The following TMC1 variants were observed in gnomAD, a reference collection of about 807,000 sequenced individuals.
TMC1 encodes transmembrane channel-like protein 1.
Under a neutral mutation model 105.8 loss-of-function variants are expected in TMC1, and 84 were observed. The observed-to-expected ratio is 0.79, with a 90% confidence interval of 0.67 to 0.95. The LOEUF (loss-of-function observed/expected upper bound fraction) is 0.95, where lower values mean the gene tolerates loss of function less well. Among genes scored for constraint, TMC1 ranks in the 40% least tolerant of loss-of-function variants. The pLI is 0.00. For synonymous variants in TMC1, 315 were observed against 311.5 expected (o/e 1.01, Z -0.12); for missense variants, 817 against 914.1 (o/e 0.89, Z 1.37).
intron 17 of TMC1, among the ~76,000 whole-genome samples, chr9:72,803,993 C>T (rs559508651): frequency 6.6e-6 from 1 of 152,250 alleles, no homozygotes; most frequent in African/African-American, 2.4e-5. Context: ...AAATGCCTAT[C>T]AATGATAGAC....
intron 13 of TMC1, among the ~76,000 whole-genome samples, chr9:72,785,807 T>G (rs1473586543): frequency 6.6e-6 from 1 of 152,240 alleles, no homozygotes. Flanking sequence ...ATTTTCCATT[T>G]AATATTTTTG....
intron 4 of TMC1, among the ~76,000 whole-genome samples, chr9:72,634,839 A>G (rs1010843559): frequency 1.3e-5 from 2 of 152,220 alleles, no homozygotes; most frequent in Non-Finnish European, 2.9e-5. Context: ...ACAACTCAGG[A>G]AGAGCCAGAT....
At chr9:72,601,169 TACACACACACACACACACACACACAG>T (rs770279700) in intron 2 of TMC1, among the ~76,000 whole-genome samples, 4,583 of 148,370 alleles carry the variant, frequency 0.031, 91 homozygotes, top group Middle Eastern at 0.082. Context: ...ACACTGTTTC[TACACACACACACACACACACACACAG>T]ACACACACAC....
chr9:72,826,556 C>G (rs1054741659), intron 20 of TMC1, among the ~76,000 whole-genome samples: 18 of 152,190 alleles, frequency 1.2e-4, no homozygotes, highest in Non-Finnish European at 1.6e-4. Flanking sequence ...GAGAGGCAGA[C>G]TTATGAGCTA....
chr9:72,827,501 T>C (rs1828975254), intron 21 of TMC1, among the ~76,000 whole-genome samples: 2 of 152,230 alleles, frequency 1.3e-5, no homozygotes, highest in African/African-American at 4.8e-5. Flanking sequence ...CGCCAATAAC[T>C]GTGTGTTCAC....
chr9:72,829,593 C>T (rs1338664402), intron 21 of TMC1, among the ~76,000 whole-genome samples: 1 of 152,138 alleles, frequency 6.6e-6, no homozygotes, highest in East Asian at 1.9e-4. Flanking sequence ...TAGTAAAACT[C>T]CCATCACTCA....
rs139705275 is a variant in TMC1, at chr9:72,709,962, C to T, written c.362+9319C>T. Among the ~76,000 whole-genome samples the T allele has an allele frequency of 7.9e-3, 1,209 of 152,076 alleles. 11 individuals are homozygous for T. Among genetic ancestry groups the T allele is most frequent in the Non-Finnish European group, 0.01 (712 of 67,942 alleles). ...TGTTACCTTAGGTTGTCTATTTGTG[C>T]TCTTTCAGACTTTTTGGTGTAGGCA... is the stretch of plus-strand genomic sequence containing the variant. On this transcript the variant is annotated intron_variant, in intron 8 of 23. Transcript: ENST00000297784.
chr9:72,749,586 A>AGGGTG, intron 10 of TMC1, among the ~76,000 whole-genome samples: 1 of 152,100 alleles, frequency 6.6e-6, no homozygotes, highest in African/African-American at 2.4e-5. Context: ...GGGCTGAGGT[A>AGGGTG]GGGTGGGGTG....
chr9:72,680,040 T>A (rs929271297), intron 5 of TMC1, among the ~76,000 whole-genome samples: 10 of 152,098 alleles, frequency 6.6e-5, no homozygotes, highest in Non-Finnish European at 8.8e-5. Context: ...TCCACACATC[T>A]CAATCACATT....
chr9:72,671,497 A>G (rs1376596027), intron 5 of TMC1, among the ~76,000 whole-genome samples: 1 of 152,228 alleles, frequency 6.6e-6, no homozygotes, highest in East Asian at 1.9e-4. Flanking sequence ...ATAGTAACAC[A>G]AAGAGTTGTA....
intron 1 of TMC1, among the ~76,000 whole-genome samples, chr9:72,531,394 A>G (rs1290440665): frequency 1.3e-5 from 2 of 152,176 alleles, no homozygotes; most frequent in African/African-American, 4.8e-5. Flanking sequence ...TGAAGCCTAG[A>G]CTGGTGTTTT....
intron 1 of TMC1, among the ~76,000 whole-genome samples, chr9:72,535,835 G>T (rs1823572983): frequency 6.6e-6 from 1 of 152,142 alleles, no homozygotes; most frequent in Non-Finnish European, 1.5e-5. Context: ...GAGGTGCCAG[G>T]CTCTTTTTAA....
chr9:72,648,576 ATTTG>A lies in TMC1; in HGVS notation c.-52-18_-52-15del. 2.2e-6 allele frequency: 3 copies of A among 1,380,978 alleles called. No individual in the cohort carries two copies. The highest frequency in any genetic ancestry group is 3.1e-6 in the Non-Finnish European group (3 of 967,814). The allele number at this position is 1,380,978 out of a possible 1,614,324, so 85.5% of individuals were successfully genotyped here. A position where few individuals can be genotyped will look rare whatever the true frequency, so the allele number is the denominator to read the frequency against. On this transcript the variant is annotated splice_polypyrimidine_tract_variant and intron_variant, in intron 4 of 23. Transcript: ENST00000297784. ...GGATGTGCTAGATCAAACCTGAAAT[ATTTG>A]TTCCTTCATCCTGCAGTCCCTCTCC...
intron 5 of TMC1, among the ~76,000 whole-genome samples, chr9:72,685,945 C>T (rs1234393135): frequency 1.3e-5 from 2 of 152,174 alleles, no homozygotes; most frequent in Admixed American, 1.3e-4. Context: ...AAACTACTTT[C>T]AGCATTATAG....
At chr9:72,633,851 G>A (rs990096050) in intron 4 of TMC1, among the ~76,000 whole-genome samples, 3 of 152,078 alleles carry the variant, frequency 2.0e-5, no homozygotes, top group African/African-American at 4.8e-5. Context: ...CCATCTACAT[G>A]GAAACAACAT....
At chr9:72,801,103 G>A (rs925167135) in intron 17 of TMC1, among the ~76,000 whole-genome samples, 1 of 152,102 alleles carries the variant, frequency 6.6e-6, no homozygotes, top group Non-Finnish European at 1.5e-5. Flanking sequence ...TTTTCTCCAA[G>A]GATGCTATGA....
chr9:72,785,457 C>T (rs1212903589), intron 13 of TMC1, among the ~76,000 whole-genome samples: 1 of 147,002 alleles, frequency 6.8e-6, no homozygotes, highest in Non-Finnish European at 1.6e-5. Context: ...TTTTCTTTTC[C>T]TTCCTTATTA....
chr9:72,773,112 T>G (rs1298454549), intron 13 of TMC1, among the ~76,000 whole-genome samples: 1 of 152,172 alleles, frequency 6.6e-6, no homozygotes, highest in Non-Finnish European at 1.5e-5. Context: ...GGGAAGAATT[T>G]CACTGGAGAA....
chr9:72,746,571 A>C (rs577864683), intron 10 of TMC1, among the ~76,000 whole-genome samples: 2 of 140,570 alleles, frequency 1.4e-5, no homozygotes, highest in African/African-American at 5.5e-5. Context: ...AAGTATTTTT[A>C]AAATGTGGCT....
Sources: gnomAD v4.1 joint callset for allele counts (sites outside exome capture counted in the v4.1 genomes callset) on GRCh38, gnomAD v4.1.1 for gene constraint, MANE v1.5 for transcripts, NCBI Gene and HGNC (gene_info 2026-07-23, HGNC 2026-07-21) for gene names.